The following AHCYL2 variants were observed in gnomAD, a reference collection of about 807,000 sequenced individuals.
The protein encoded by AHCYL2 is adenosylhomocysteinase like 2, also known as S-adenosylhomocysteine hydrolase-like protein 2.
In AHCYL2, 28 loss-of-function variants were observed where a neutral mutation model predicts 81.4. The observed-to-expected ratio is 0.34, with a 90% CI of 0.25 to 0.47. The LOEUF is 0.47. AHCYL2 is among the 20% of genes least tolerant of loss of function. AHCYL2 has a pLI of 1.00. For missense variants in AHCYL2, 551 were observed against 785.1 expected (o/e 0.70, Z 3.56); for synonymous variants, 272 against 290.2 (o/e 0.94, Z 0.64).
chr7:129,284,315 T>A (rs1258587978), intron 1 of AHCYL2, among the ~76,000 whole-genome samples: 1 of 152,020 alleles, frequency 6.6e-6, no homozygotes, highest in Admixed American at 6.6e-5. Flanking sequence ...TTGGAATAAT[T>A]GGCCGGGCAT....
chr7:129,262,265 A>G (rs1795668551), intron 1 of AHCYL2, among the ~76,000 whole-genome samples: 1 of 152,260 alleles, frequency 6.6e-6, no homozygotes. Context: ...AAAATAAGAC[A>G]GGGATTTATG....
At chr7:129,232,836 G>A (rs1403070573) in intron 1 of AHCYL2, among the ~76,000 whole-genome samples, 2 of 152,210 alleles carry the variant, frequency 1.3e-5, no homozygotes, top group Non-Finnish European at 2.9e-5. Context: ...ACCCAGTTCT[G>A]TAATTTTGAG....
intron 1 of AHCYL2, among the ~76,000 whole-genome samples, chr7:129,271,928 AC>A (rs1242335472): frequency 6.6e-6 from 1 of 151,866 alleles, no homozygotes; most frequent in Admixed American, 6.6e-5. Context: ...CATGTGCACC[AC>A]CCCCATCTAG....
chr7:129,282,115 A>G (rs554308734), intron 1 of AHCYL2, among the ~76,000 whole-genome samples: 32 of 152,198 alleles, frequency 2.1e-4, no homozygotes, highest in Admixed American at 6.5e-4. Flanking sequence ...TAATTCTTTT[A>G]TATTTATTGA....
At chr7:129,266,628 A>G (rs948222153) in intron 1 of AHCYL2, among the ~76,000 whole-genome samples, 2 of 152,222 alleles carry the variant, frequency 1.3e-5, no homozygotes, top group Non-Finnish European at 2.9e-5. Context: ...TTATCAGGGT[A>G]ACGTCTTCTG....
In AHCYL2 at chr7:129,406,764, G is replaced by T. The variant is rs975982816; in HGVS notation, c.1295+298G>T. ...TGCCTTTCAAATAATGATCAGAAAA[G>T]AAATTGGCAGGCATCAGATGCCTTC... On this transcript the variant is annotated intron_variant, in intron 10 of 16. Transcript: ENST00000325006. The surrounding 1 kb of genome is among the most constrained non-coding windows in gnomAD (Gnocchi z 4.3). 1.3e-5 allele frequency among the ~76,000 whole-genome samples: 2 copies of T among 152,174 alleles called. No individual in the cohort carries two copies. The highest frequency in any genetic ancestry group is 4.8e-5 in the African/African-American group (2 of 41,450).
intron 1 of AHCYL2, among the ~76,000 whole-genome samples, chr7:129,273,653 C>A (rs2150731452): frequency 6.6e-6 from 1 of 152,176 alleles, no homozygotes; most frequent in South Asian, 2.1e-4. Context: ...TAAGACAATG[C>A]CTCACAAAAC....
At chr7:129,380,383 G>C (rs1794901580) in intron 2 of AHCYL2, among the ~76,000 whole-genome samples, 1 of 152,202 alleles carries the variant, frequency 6.6e-6, no homozygotes, top group African/African-American at 2.4e-5. Context: ...CCTAGTATGA[G>C]TCGGATTTAA....
rs2150853766 is a variant in AHCYL2 at position 129,368,373 on chromosome 7, A to T, written c.364-11265A>T. ...TGTGAAAAGGGATGCAGCTTCTGCT[A>T]GCCACTGTGAACTTCTGAATCTCAC... On this transcript the variant is annotated intron_variant, in intron 1 of 16. Coordinates refer to ENST00000325006, the MANE Select transcript of AHCYL2 (RefSeq NM_015328.4). The surrounding 1 kb of genome is among the most constrained non-coding windows in gnomAD (Gnocchi z 4.4). 1 of 1,534,700 alleles carries T rather than the reference A, an allele frequency of 6.5e-7. No homozygotes were observed. Among genetic ancestry groups the T allele is most frequent in the East Asian group, 2.3e-5 (1 of 43,256 alleles).
At chr7:129,323,003 A>G (rs556588115) in intron 1 of AHCYL2, among the ~76,000 whole-genome samples, 1 of 152,214 alleles carries the variant, frequency 6.6e-6, no homozygotes, top group East Asian at 1.9e-4. Context: ...GATCGGTCTG[A>G]CTAAATGTTT....
intron 1 of AHCYL2, among the ~76,000 whole-genome samples, chr7:129,230,079 C>CTTTTTTTTTTTTT (rs35056717): frequency 9.1e-6 from 1 of 109,432 alleles, no homozygotes; most frequent in Non-Finnish European, 1.9e-5. Context: ...TTATTTAATT[C>CTTTTTTTTTTTTT]TTTTTTTTTT....
chr7:129,237,533 T>C (rs1794682366), intron 1 of AHCYL2, among the ~76,000 whole-genome samples: 1 of 146,054 alleles, frequency 6.8e-6, no homozygotes, highest in African/African-American at 2.5e-5. Flanking sequence ...GAATTATTCA[T>C]AGAAATACTT....
At chr7:129,312,259 A>T (rs892285610) in intron 1 of AHCYL2, among the ~76,000 whole-genome samples, 3 of 152,038 alleles carry the variant, frequency 2.0e-5, no homozygotes, top group Non-Finnish European at 4.4e-5. Flanking sequence ...TAATTCTGAA[A>T]TTTTTTTGTA....
chr7:129,325,268 T>C (rs1168240453), intron 1 of AHCYL2, among the ~76,000 whole-genome samples: 1 of 152,182 alleles, frequency 6.6e-6, no homozygotes, highest in Non-Finnish European at 1.5e-5. Flanking sequence ...TTTGCCTTTG[T>C]TTTTGAAGGA....
At chr7:129,256,630 A>G (rs2150710290) in intron 1 of AHCYL2, among the ~76,000 whole-genome samples, 1 of 140,090 alleles carries the variant, frequency 7.1e-6, no homozygotes, top group Admixed American at 8.1e-5. Flanking sequence ...TGGATGTACC[A>G]TAATTTATGT....
chr7:129,361,547 T>C (rs1009985565), intron 1 of AHCYL2, among the ~76,000 whole-genome samples: 1 of 152,224 alleles, frequency 6.6e-6, no homozygotes, highest in African/African-American at 2.4e-5. Context: ...TCTTCATGTA[T>C]AAGAAGAGAA....
At chr7:129,412,900 G>A (rs1489838031) in intron 11 of AHCYL2, among the ~76,000 whole-genome samples, 1 of 151,734 alleles carries the variant, frequency 6.6e-6, no homozygotes, top group African/African-American at 2.4e-5. Flanking sequence ...GTGTAGTGAT[G>A]CAGTCACAGC....
At chr7:129,255,357 A>G (rs989265495) in intron 1 of AHCYL2, among the ~76,000 whole-genome samples, 6 of 152,236 alleles carry the variant, frequency 3.9e-5, no homozygotes, top group African/African-American at 9.6e-5. Flanking sequence ...TAACATATCA[A>G]TATAAAAATT....
intron 1 of AHCYL2, among the ~76,000 whole-genome samples, chr7:129,227,139 A>G (rs1424585194): frequency 6.6e-6 from 1 of 152,212 alleles, no homozygotes; most frequent in Non-Finnish European, 1.5e-5. Context: ...TGAAAGTACT[A>G]ATTATGATTG....
Sources: allele counts gnomAD v4.1 joint callset (sites outside exome capture counted in the v4.1 genomes callset), GRCh38; gene constraint gnomAD v4.1.1; non-coding constraint Gnocchi (gnomAD v3.1); transcripts MANE v1.5; gene names NCBI Gene and HGNC (gene_info 2026-07-23, HGNC 2026-07-21).